ADGRV1: variants seen among roughly 807,000 people sequenced by gnomAD.
ADGRV1 encodes adhesion G protein-coupled receptor V1.
ADGRV1 carries 359 observed loss-of-function variants against 596.2 expected under a neutral mutation model. That is an observed-to-expected ratio of 0.60 (90% CI 0.55 to 0.66). The LOEUF is 0.66. Among genes scored for constraint, ADGRV1 ranks in the 30% least tolerant of loss-of-function variants. The probability of loss-of-function intolerance (pLI) is 0.00; values close to 1 mark genes in which losing one functional copy is unlikely to be tolerated. For missense variants in ADGRV1, 7,274 were observed against 7,575.6 expected (o/e 0.96, Z 1.48); for synonymous variants, 2,681 against 2,679.2 (o/e 1.00, Z -0.02).
chr5:90,950,995 T>C (rs553424954), intron 83 of ADGRV1, among the ~76,000 whole-genome samples: 11 of 152,314 alleles, frequency 7.2e-5, no homozygotes, highest in Admixed American at 1.3e-4. Flanking sequence ...CTCATTCTCA[T>C]TTTGCAGAGC....
intron 16 of ADGRV1, 108 bp from the exon 17 acceptor site, chr5:90,647,388 GAC>G: frequency 9.2e-7 from 1 of 1,087,218 alleles, no homozygotes; most frequent in Non-Finnish European, 1.3e-6. Flanking sequence ...TTTTGGCAAA[GAC>G]ACAGTACAAG....
At chr5:90,598,745 A>T (rs1451902001) in intron 1 of ADGRV1, among the ~76,000 whole-genome samples, 2 of 152,204 alleles carry the variant, frequency 1.3e-5, no homozygotes, top group Admixed American at 1.3e-4. Flanking sequence ...ATTTCCTGCC[A>T]GTGTGATGCA....
intron 86 of ADGRV1, among the ~76,000 whole-genome samples, chr5:91,092,104 G>A (rs966573175): frequency 1.3e-5 from 2 of 152,052 alleles, no homozygotes; most frequent in African/African-American, 4.8e-5. Flanking sequence ...AAGATGCTGA[G>A]ATGTCCTTTT....
In ADGRV1 at chr5:91,004,889, C is replaced by A. The variant is rs147710348; in HGVS notation, c.18152+19367C>A. Among the ~76,000 whole-genome samples, 869 of 152,156 alleles carry A rather than the reference C, an allele frequency of 5.7e-3. 13 individuals are homozygous for A. The highest frequency in any genetic ancestry group is 0.02 in the African/African-American group (825 of 41,514). On this transcript the variant is annotated intron_variant, in intron 85 of 89. Coordinates refer to ENST00000405460, the MANE Select transcript of ADGRV1 (RefSeq NM_032119.4). ...AGCATGGCTTTCTTCAAATGAATAA[C>A]TGACATAGCCAAAAAGGAGGCCTGG...
At chr5:90,966,496 C>T (rs908330230) in intron 84 of ADGRV1, among the ~76,000 whole-genome samples, 20 of 140,320 alleles carry the variant, frequency 1.4e-4, no homozygotes, top group African/African-American at 5.4e-4. Context: ...GGCACCATTG[C>T]ACTCCAGCCT....
intron 87 of ADGRV1, among the ~76,000 whole-genome samples, chr5:91,139,871 G>A (rs1017040049): frequency 1.3e-5 from 2 of 152,066 alleles, no homozygotes; most frequent in Non-Finnish European, 1.5e-5. Flanking sequence ...TGACAATGTG[G>A]ACCACCTCAT....
At chr5:91,157,619 A>T (rs540875628) in intron 89 of ADGRV1, among the ~76,000 whole-genome samples, 185 of 152,012 alleles carry the variant, frequency 1.2e-3, no homozygotes, top group South Asian at 2.3e-3. Context: ...TTAGAACTTA[A>T]TTTTTTTCTG....
Position 90,815,720 on chromosome 5 carries a change from A to G in ADGRV1, c.16180A>G (p.Thr5394Ala). The change falls in exon 75 of 90, where the codon ACA (threonine) becomes GCA (alanine). Residue 5394 changes from threonine (T) to alanine (A), a missense_variant. Thr to Ala is a moderately conservative substitution (Grantham distance 58, BLOSUM62 0). Coordinates refer to ENST00000405460, the MANE Select transcript of ADGRV1 (RefSeq NM_032119.4). Reference sequence around the variant, plus strand: ...TATGAGAAGATTGCACCTTATTGTCACAAGACAGCCAAACAGGTATGTGTA... The same window carrying G: ...TATGAGAAGATTGCACCTTATTGTCGCAAGACAGCCAAACAGGTATGTGTA... ...AVMRRLHLIV[T>A]RQPNRAFEDV... The G allele has an allele frequency of 6.5e-7, 1 of 1,548,350 alleles. No individual in the cohort carries two copies. Among genetic ancestry groups the G allele is most frequent in the South Asian group, 1.2e-5 (1 of 84,454 alleles).
intron 50 of ADGRV1, among the ~76,000 whole-genome samples, chr5:90,737,859 C>T (rs2149866990): frequency 6.6e-6 from 1 of 151,166 alleles, no homozygotes; most frequent in Admixed American, 6.6e-5. Context: ...ATGATTGGAT[C>T]TTATTTTTTT....
intron 77 of ADGRV1, among the ~76,000 whole-genome samples, chr5:90,836,831 C>T (rs1765010967): frequency 6.6e-6 from 1 of 152,130 alleles, no homozygotes; most frequent in African/African-American, 2.4e-5. Context: ...GACAGTTTCA[C>T]CTCTCTGGTA....
At chr5:90,599,368 T>G in intron 1 of ADGRV1, among the ~76,000 whole-genome samples, 1 of 152,166 alleles carries the variant, frequency 6.6e-6, no homozygotes, top group East Asian at 1.9e-4. Context: ...ACTAGAAAAT[T>G]TTCATCCCTT....
rs958023171 is a variant in ADGRV1, at chr5:90,817,637, G to A, written c.16196+1901G>A. ...AGTTTCAGCTTTCTACATATGGCTAGCCAGTTTTCCCAGCACCATTTGTTA... is the reference window on the plus strand; with the variant it reads ...AGTTTCAGCTTTCTACATATGGCTAACCAGTTTTCCCAGCACCATTTGTTA... On this transcript the variant is annotated intron_variant, in intron 75 of 89. Coordinates refer to ENST00000405460, the MANE Select transcript of ADGRV1 (RefSeq NM_032119.4). 6.9e-3 allele frequency among the ~76,000 whole-genome samples: 1,053 copies of A among 152,190 alleles called. 33 individuals carry two copies. Among genetic ancestry groups the A allele is most frequent in the Admixed American group, 0.056 (856 of 15,294 alleles).
chr5:90,628,299 A>T (rs1765063069), intron 7 of ADGRV1, among the ~76,000 whole-genome samples: 1 of 150,766 alleles, frequency 6.6e-6, no homozygotes, highest in Non-Finnish European at 1.5e-5. Context: ...GAAGTCCCAG[A>T]TACTTGGGAG....
At chr5:90,916,922 G>A (rs1379814331) in intron 83 of ADGRV1, among the ~76,000 whole-genome samples, 4 of 152,032 alleles carry the variant, frequency 2.6e-5, no homozygotes, top group Non-Finnish European at 2.9e-5. Context: ...GTGAGCCACC[G>A]CGCCCTGCCA....
intron 16 of ADGRV1, among the ~76,000 whole-genome samples, chr5:90,646,683 A>C (rs1460673269): frequency 6.6e-6 from 1 of 151,626 alleles, no homozygotes; most frequent in Non-Finnish European, 1.5e-5. Context: ...CCTTGTTGTC[A>C]GCTATATATG....
At chr5:91,035,861 T>TAATATATATAATATA in intron 85 of ADGRV1, among the ~76,000 whole-genome samples, 4 of 96,390 alleles carry the variant, frequency 4.1e-5, no homozygotes, top group African/African-American at 1.1e-4. Flanking sequence ...TATATATATA[T>TAATATATATAATATA]TATATATATA....
chr5:90,894,476 G>A lies in ADGRV1; in HGVS notation c.17856+30619G>A, dbSNP rs187571567. Among the ~76,000 whole-genome samples, 162 of 152,232 alleles carry A rather than the reference G, an allele frequency of 1.1e-3. 3 individuals are homozygous for A. Among genetic ancestry groups the A allele is most frequent in the Non-Finnish European group, 4.1e-4 (28 of 68,012 alleles). Reference sequence around the variant, plus strand: ...TGCTTAGTGAGTTGTGGGGATGGCCGGCTGTGGGGTGGGAAGGACTGTGTA... The same window carrying A: ...TGCTTAGTGAGTTGTGGGGATGGCCAGCTGTGGGGTGGGAAGGACTGTGTA... On this transcript the variant is annotated intron_variant, in intron 83 of 89. Transcript: ENST00000405460.
Position 90,628,834 on chromosome 5 carries a change from T to C in ADGRV1, c.1509+2T>C. 1 of 1,613,242 alleles carries C rather than the reference T, an allele frequency of 6.2e-7. No homozygotes were observed. The highest frequency in any genetic ancestry group is 8.5e-7 in the Non-Finnish European group (1 of 1,179,378). ...GCAGAAGTGAGCGAGCCAGCGGAGGTATAACCCTTGTTATGCTTTATGCTT... is the reference window on the plus strand; with the variant it reads ...GCAGAAGTGAGCGAGCCAGCGGAGGCATAACCCTTGTTATGCTTTATGCTT... On this transcript the variant is annotated splice_donor_variant, in intron 8 of 89. Coordinates refer to ENST00000405460, the MANE Select transcript of ADGRV1 (RefSeq NM_032119.4). LOFTEE classifies it high-confidence loss of function.
At chr5:90,776,695 T>C (rs1758279107) in intron 61 of ADGRV1, 119 bp downstream of exon 61, 1 of 1,112,698 alleles carries the variant, frequency 9.0e-7, no homozygotes, top group Non-Finnish European at 1.3e-6. Context: ...ACATTCTATA[T>C]ACTGTTAACA....
Sources: gnomAD v4.1 joint callset for allele counts (sites outside exome capture counted in the v4.1 genomes callset) on GRCh38, gnomAD v4.1.1 for gene constraint, MANE v1.5 for transcripts, NCBI Gene and HGNC (gene_info 2026-07-23, HGNC 2026-07-21) for gene names.